TRHDE: variants seen among roughly 807,000 people sequenced by gnomAD.
TRHDE encodes thyrotropin releasing hormone degrading enzyme, also known as thyrotropin-releasing hormone-degrading ectoenzyme.
A neutral mutation model predicts 125.7 loss-of-function variants in TRHDE; 72 were observed. That is an observed-to-expected ratio of 0.57 (90% CI 0.47 to 0.70). The LOEUF is 0.70. Among genes scored for constraint, TRHDE ranks in the 30% least tolerant of loss-of-function variants. The probability of loss-of-function intolerance (pLI) is 0.00; values close to 1 mark genes in which losing one functional copy is unlikely to be tolerated. For missense variants in TRHDE, 1,110 were observed against 1,327.1 expected, an observed-to-expected ratio of 0.84 and a Z score of 2.54; for synonymous variants, 509 against 509.1, an observed-to-expected ratio of 1.00 and a Z score of 0.00.
rs1172895803 is a variant in TRHDE, at chr12:72,652,423, C to A, written c.2777C>A (p.Ala926Glu). ...FIWMKFHSTT[A>E]VSEKKILLEA... is the part of the protein sequence containing the mutation. ...TGGATGAAATTCCATTCCACCACAGCAGTTTCTGAGAAGAAAATATTATTG... is the reference window on the plus strand; with the variant it reads ...TGGATGAAATTCCATTCCACCACAGAAGTTTCTGAGAAGAAAATATTATTG... Residue 926 changes from alanine to glutamate, a missense_variant, in exon 16 of 19, where the codon GCA (alanine) becomes GAA (glutamate). Physicochemically the swap from Ala to Glu is moderately radical, Grantham distance 107. Transcript: ENST00000261180. 8.7e-6 allele frequency: 14 copies of A among 1,607,892 alleles called. No individual in the cohort carries two copies. Among genetic ancestry groups the A allele is most frequent in the Non-Finnish European group, 1.2e-5 (14 of 1,176,680 alleles).
intron 2 of TRHDE, among the ~76,000 whole-genome samples, chr12:72,332,473 A>C (rs1460309261): frequency 6.6e-6 from 1 of 152,074 alleles, no homozygotes; most frequent in African/African-American, 2.4e-5. Flanking sequence ...CTTGAGTGAG[A>C]ACCCACTTAT....
chr12:72,469,288 C>T (rs1453545435), intron 3 of TRHDE, among the ~76,000 whole-genome samples: 1 of 152,038 alleles, frequency 6.6e-6, no homozygotes, highest in Admixed American at 6.6e-5. Context: ...TGAAAAAATA[C>T]ACTAGAATTT....
chr12:72,152,520 A>G (rs1184897894), intron 2 of TRHDE, among the ~76,000 whole-genome samples: 3 of 152,142 alleles, frequency 2.0e-5, no homozygotes, highest in Admixed American at 1.3e-4. Context: ...TCAGTATGAT[A>G]TTGGCTGTGG....
At chr12:72,373,422 A>G (rs2135768278) in intron 2 of TRHDE, among the ~76,000 whole-genome samples, 1 of 152,248 alleles carries the variant, frequency 6.6e-6, no homozygotes, top group East Asian at 1.9e-4. Flanking sequence ...AACTTCCAAC[A>G]CTATGTTGAA....
intron 2 of TRHDE, among the ~76,000 whole-genome samples, chr12:72,339,908 G>A (rs779810820): frequency 1.5e-4 from 23 of 152,100 alleles, no homozygotes; most frequent in Non-Finnish European, 2.6e-4. Flanking sequence ...AGGGGTAAGG[G>A]CAAAATAAAT....
intron 6 of TRHDE, among the ~76,000 whole-genome samples, chr12:72,502,181 T>C (rs996276582): frequency 2.2e-4 from 34 of 152,206 alleles, no homozygotes; most frequent in African/African-American, 7.9e-4. Flanking sequence ...AATCAATATT[T>C]CCTTTTTCTA....
intron 3 of TRHDE, among the ~76,000 whole-genome samples, chr12:72,434,481 A>C (rs1874650803): frequency 6.6e-6 from 1 of 151,770 alleles, no homozygotes; most frequent in Non-Finnish European, 1.5e-5. Context: ...TCATCAGGTA[A>C]GTTTTGTGTG....
rs1274360953 is a variant in TRHDE at position 72,272,742 on chromosome 12, G to A, written c.99G>A (p.Glu33=). The change falls in exon 1 of 19, where the codon GAG becomes GAA. Residue 33 remains glutamate (E), a synonymous_variant. Coordinates refer to ENST00000261180, the MANE Select transcript of TRHDE (RefSeq NM_013381.3). This position sits in a 1 kb window ranked among gnomAD's most constrained non-coding sequence, Gnocchi z 6.7. ...AGAAGGAGGAGGAGGAGGAGGAGGA[G>A]GGGGCCGAGAAGAGCAGCTCACCCT... ...KKKKEEEEEE[E]GAEKSSSPFA... The A allele has an allele frequency of 3.3e-6, 5 of 1,501,762 alleles. No homozygotes were observed. In the South Asian group the frequency reaches 3.8e-5, roughly 12 times the overall value. The allele number at this position is 1,501,762 out of a possible 1,614,324, so 93.0% of individuals were successfully genotyped here.
At chr12:72,317,978 A>G (rs12309288) in intron 2 of TRHDE, among the ~76,000 whole-genome samples, 40,154 of 151,850 alleles carry the variant, frequency 0.26, 5,326 homozygotes, top group East Asian at 0.35. Flanking sequence ...ATGAGCTAAA[A>G]CCTTTCCATG....
intron 2 of TRHDE, among the ~76,000 whole-genome samples, chr12:72,218,635 G>A (rs972853542): frequency 6.6e-6 from 1 of 152,058 alleles, no homozygotes; most frequent in East Asian, 1.9e-4. Flanking sequence ...ATGCATCTCA[G>A]CCCTTTCTCC....
intron 5 of TRHDE, 67 bp from the exon 6 acceptor site, chr12:72,499,431 C>A (rs968502102): frequency 2.6e-6 from 4 of 1,541,452 alleles, no homozygotes; most frequent in Non-Finnish European, 3.5e-6. Context: ...ACATTATGTT[C>A]ATGTCATCAT....
At chr12:72,231,257 T>A (rs1297457958) in intron 2 of TRHDE, among the ~76,000 whole-genome samples, 1 of 152,166 alleles carries the variant, frequency 6.6e-6, no homozygotes, top group East Asian at 1.9e-4. Context: ...CTGAGACAAC[T>A]GTAACATCTG....
chr12:72,638,937 A>G (rs1354204066), intron 15 of TRHDE, among the ~76,000 whole-genome samples: 6 of 151,462 alleles, frequency 4.0e-5, no homozygotes, highest in East Asian at 1.9e-4. Context: ...TGCCCTTAAC[A>G]TTTTTTCCTT....
intron 6 of TRHDE, among the ~76,000 whole-genome samples, chr12:72,509,179 C>T (rs1395445657): frequency 6.6e-6 from 1 of 152,110 alleles, no homozygotes; most frequent in Admixed American, 6.5e-5. Flanking sequence ...TGTTCTCCTA[C>T]AGCCTATCTT....
chr12:72,599,307 T>A (rs918777061), intron 12 of TRHDE, among the ~76,000 whole-genome samples: 1 of 152,158 alleles, frequency 6.6e-6, no homozygotes, highest in Non-Finnish European at 1.5e-5. Flanking sequence ...CAGGCTGCTT[T>A]CCACAAGGAC....
chr12:72,465,319 C>G (rs1876318720), intron 3 of TRHDE, among the ~76,000 whole-genome samples: 1 of 151,898 alleles, frequency 6.6e-6, no homozygotes, highest in Non-Finnish European at 1.5e-5. Context: ...AAATTATCAC[C>G]ATAATGAACA....
At chr12:72,545,599 T>C (rs971335485) in intron 7 of TRHDE, among the ~76,000 whole-genome samples, 2 of 151,620 alleles carry the variant, frequency 1.3e-5, no homozygotes, top group Non-Finnish European at 3.0e-5. Context: ...GAATCTTTAA[T>C]CATTTGAATA....
chr12:72,656,800 A>C (rs1420185874), intron 17 of TRHDE, 127 bp from the exon 18 acceptor site: 25 of 667,664 alleles, frequency 3.7e-5, no homozygotes, highest in Non-Finnish European at 6.1e-5. Flanking sequence ...TTGAGTGCTC[A>C]GAGATCTGGC....
chr12:72,350,081 C>A (rs1035029288), intron 2 of TRHDE, among the ~76,000 whole-genome samples: 2 of 151,910 alleles, frequency 1.3e-5, no homozygotes, highest in Non-Finnish European at 2.9e-5. Context: ...CAATTTACTC[C>A]TTCCTCTAAC....
Sources: gnomAD v4.1 joint callset for allele counts (sites outside exome capture counted in the v4.1 genomes callset) on GRCh38, gnomAD v4.1.1 for gene constraint, Gnocchi (gnomAD v3.1) non-coding constraint, MANE v1.5 for transcripts, NCBI Gene and HGNC (gene_info 2026-07-23, HGNC 2026-07-21) for gene names.